The following RGL1 variants were observed in gnomAD, a reference collection of about 807,000 sequenced individuals.
RGL1 encodes the protein ral guanine nucleotide dissociation stimulator like 1.
In RGL1, 24 loss-of-function variants were observed where a neutral mutation model predicts 95.2. The observed-to-expected ratio is 0.25, with a 90% CI of 0.18 to 0.35. The LOEUF (loss-of-function observed/expected upper bound fraction) is 0.35, where lower values mean the gene tolerates loss of function less well. RGL1 is among the 10% of genes least tolerant of loss of function. The pLI, the probability that RGL1 is intolerant of heterozygous loss-of-function variation, is 1.00. For missense variants in RGL1, 715 were observed against 936.3 expected (o/e 0.76, Z 3.08); for synonymous variants, 329 against 344.9 (o/e 0.95, Z 0.51).
chr1:183,873,727 A>G (rs1435634663), intron 4 of RGL1, among the ~76,000 whole-genome samples: 7 of 152,200 alleles, frequency 4.6e-5, no homozygotes, highest in African/African-American at 1.4e-4. Context: ...CCATTGCTCT[A>G]TGCTGTTTTG....
chr1:183,675,288 A>G (rs1421683262), intron 1 of RGL1, among the ~76,000 whole-genome samples: 5 of 148,054 alleles, frequency 3.4e-5, no homozygotes, highest in African/African-American at 7.9e-5. Context: ...TTTCAATTCT[A>G]TATGGTTTTT....
intron 14 of RGL1, among the ~76,000 whole-genome samples, chr1:183,908,541 G>C (rs1203682544): frequency 2.0e-5 from 3 of 152,196 alleles, no homozygotes; most frequent in Non-Finnish European, 4.4e-5. Context: ...CAGCTCTTGA[G>C]GAGAATTTTT....
At chr1:183,924,949 A>G (rs1040650309) in intron 17 of RGL1, among the ~76,000 whole-genome samples, 1 of 151,926 alleles carries the variant, frequency 6.6e-6, no homozygotes, top group Non-Finnish European at 1.5e-5. Flanking sequence ...CTGGGCAACA[A>G]GAGCAAAACT....
intron 4 of RGL1, among the ~76,000 whole-genome samples, chr1:183,869,272 T>G (rs1666024571): frequency 6.6e-6 from 1 of 152,218 alleles, no homozygotes; most frequent in Non-Finnish European, 1.5e-5. Context: ...TCATTCGAAT[T>G]CGTTGTATAC....
chr1:183,713,182 T>C (rs560993518), intron 1 of RGL1, among the ~76,000 whole-genome samples: 1 of 152,154 alleles, frequency 6.6e-6, no homozygotes, highest in Admixed American at 6.5e-5. Context: ...TGTACCACAA[T>C]GCATGGCTAA....
chr1:183,843,804 T>C (rs958297887), intron 2 of RGL1, among the ~76,000 whole-genome samples: 1 of 146,316 alleles, frequency 6.8e-6, no homozygotes, highest in African/African-American at 2.6e-5. Context: ...ATATTTAACA[T>C]TGAAGTATAT....
chr1:183,715,802 TA>T (rs1655590494), intron 1 of RGL1, among the ~76,000 whole-genome samples: 2 of 151,958 alleles, frequency 1.3e-5, no homozygotes, highest in South Asian at 4.1e-4. Context: ...AGAAAGAAAC[TA>T]TAAGGAATTG....
At chr1:183,731,748 A>T (rs1160264805) in intron 1 of RGL1, among the ~76,000 whole-genome samples, 1 of 152,136 alleles carries the variant, frequency 6.6e-6, no homozygotes, top group Non-Finnish European at 1.5e-5. Flanking sequence ...TTTCATCTGG[A>T]TGGGGAATTA....
intron 9 of RGL1, 42 bp downstream of exon 9, chr1:183,892,203 C>A: frequency 7.3e-7 from 1 of 1,368,612 alleles, no homozygotes; most frequent in South Asian, 1.2e-5. Context: ...CTGTTAATAG[C>A]TCTGGAATCC....
At chr1:183,738,147 C>T (rs1044959744) in intron 1 of RGL1, among the ~76,000 whole-genome samples, 2 of 152,172 alleles carry the variant, frequency 1.3e-5, no homozygotes, top group African/African-American at 2.4e-5. Context: ...AGGCTGAGTG[C>T]GGTGGCTCAT....
At chr1:183,658,968 A>G (rs2102018901) in intron 1 of RGL1, among the ~76,000 whole-genome samples, 1 of 152,014 alleles carries the variant, frequency 6.6e-6, no homozygotes, top group African/African-American at 2.4e-5. Context: ...GACCTCTAGC[A>G]AACTCCAACA....
At chr1:183,803,484 C>T (rs1263997072), upstream of RGL1, among the ~76,000 whole-genome samples, 1 of 152,112 alleles carries the variant, frequency 6.6e-6, no homozygotes, top group Non-Finnish European at 1.5e-5. Context: ...AGTTCTTTTC[C>T]CTTTACACAC....
intron 2 of RGL1, among the ~76,000 whole-genome samples, chr1:183,819,294 C>T (rs1237319752): frequency 6.6e-6 from 1 of 152,176 alleles, no homozygotes. Context: ...GCCTGTTACT[C>T]TGAGATTTAT....
At chr1:183,662,095 G>A (rs897866843) in intron 1 of RGL1, among the ~76,000 whole-genome samples, 17 of 150,556 alleles carry the variant, frequency 1.1e-4, no homozygotes, top group Admixed American at 2.0e-4. Context: ...CAAACCCACA[G>A]CCAATATCAT....
chr1:183,865,906 A>G (rs1665800542), intron 3 of RGL1, 90 bp from the exon 4 acceptor site: 3 of 856,912 alleles, frequency 3.5e-6, no homozygotes, highest in South Asian at 1.4e-5. Context: ...TCTGAAAAGT[A>G]TAACTGTCAC....
chr1:183,647,315 C>T (rs915532641), intron 1 of RGL1: 4 of 161,092 alleles, frequency 2.5e-5, no homozygotes, highest in Middle Eastern at 2.9e-3. Context: ...AATTTTTTAC[C>T]GAAACAAATT....
chr1:183,769,910 C>T (rs1659190109), intron 2 of RGL1, among the ~76,000 whole-genome samples: 1 of 152,220 alleles, frequency 6.6e-6, no homozygotes, highest in African/African-American at 2.4e-5. Flanking sequence ...GAAATTCCAT[C>T]CCACTTTTTC....
At chr1:183,853,405 G>A (rs954001532) in intron 3 of RGL1, among the ~76,000 whole-genome samples, 1 of 152,140 alleles carries the variant, frequency 6.6e-6, no homozygotes, top group African/African-American at 2.4e-5. Context: ...CCTTTGCCAA[G>A]CTGATGGCAC....
At chr1:183,837,307 C>T (rs1663732990) in intron 2 of RGL1, among the ~76,000 whole-genome samples, 2 of 152,282 alleles carry the variant, frequency 1.3e-5, no homozygotes, top group South Asian at 2.1e-4. Context: ...TCACTACCCC[C>T]TGCTGACCTT....
Sources: allele counts gnomAD v4.1 joint callset (sites outside exome capture counted in the v4.1 genomes callset), GRCh38; gene constraint gnomAD v4.1.1; transcripts MANE v1.5; gene names NCBI Gene and HGNC (gene_info 2026-07-23, HGNC 2026-07-21).